TFAM: variants seen among roughly 807,000 people sequenced by gnomAD.
TFAM encodes the protein transcription factor A, mitochondrial.
Under a neutral mutation model 30.6 loss-of-function variants are expected in TFAM, and 13 were observed. The ratio of observed to expected loss-of-function variants is 0.42; its 90% CI spans 0.28 to 0.67. The LOEUF is 0.67. Ranked by LOEUF, TFAM falls within the 30% of genes least tolerant of loss-of-function variation. The pLI, the probability that TFAM is intolerant of heterozygous loss-of-function variation, is 0.21. For synonymous variants in TFAM, 106 were observed against 94.8 expected (o/e 1.12, Z -0.69); for missense variants, 231 against 293.7 (o/e 0.79, Z 1.56).
At chr10:58,387,539 T>C (rs756944950) in intron 2 of TFAM, among the ~76,000 whole-genome samples, 1 of 152,222 alleles carries the variant, frequency 6.6e-6, no homozygotes, top group Non-Finnish European at 1.5e-5. Flanking sequence ...TGTTAGCTTT[T>C]ATAAATTTAG....
intron 4 of TFAM, among the ~76,000 whole-genome samples, chr10:58,390,364 A>G (rs1054257071): frequency 6.6e-6 from 1 of 152,236 alleles, no homozygotes; most frequent in Non-Finnish European, 1.5e-5. Flanking sequence ...ATGAAAGATT[A>G]TTAAACAAAT....
chr10:58,387,510 G>A (rs10826178), intron 2 of TFAM, among the ~76,000 whole-genome samples: 80,054 of 152,086 alleles, frequency 0.53, 23,020 homozygotes, highest in African/African-American at 0.78. Context: ...GTGTTATATG[G>A]ATCGAGAATG....
intron 2 of TFAM, chr10:58,386,729 G>T: frequency 9.2e-7 from 1 of 1,086,076 alleles, no homozygotes; most frequent in Non-Finnish European, 1.1e-6. Flanking sequence ...AAGTTCTGTA[G>T]AACTGTAAAG....
intron 4 of TFAM, 31 bp from the exon 5 acceptor site, chr10:58,390,734 T>A: frequency 6.4e-7 from 1 of 1,552,800 alleles, no homozygotes; most frequent in Non-Finnish European, 8.9e-7. Context: ...AGGTTAACAC[T>A]ATTTTTGACC....
chr10:58,390,938 T>C lies in TFAM; in HGVS notation c.537+78T>C, dbSNP rs45459597. ...GTCTAGAGTGCCATGTGTCAGGTAGTGAAGAAAAGTAGTGAATATCCAGAC... is the reference window on the plus strand; with the variant it reads ...GTCTAGAGTGCCATGTGTCAGGTAGCGAAGAAAAGTAGTGAATATCCAGAC... On this transcript the variant is annotated intron_variant, in intron 5 of 6. Coordinates refer to ENST00000487519, the MANE Select transcript of TFAM (RefSeq NM_003201.3). 5.8e-4 allele frequency: 736 copies of C among 1,269,538 alleles called. 2 individuals are homozygous for C. The African/African-American group carries it at 9.7e-3, about 17-fold the overall frequency. The allele number at this position is 1,269,538 out of a possible 1,614,324, so 78.6% of individuals were successfully genotyped here.
At position 58,388,826 on chromosome 10, in the gene TFAM, A is replaced by G. The variant is rs1252913167; in HGVS notation, c.441+7A>G. ...AGCTATGACAAAAAAAAAAGTGAGT[A>G]TCATTGAAATACTTTTTTCTTATGG... On this transcript the variant is annotated splice_region_variant and intron_variant, in intron 4 of 6. Transcript: ENST00000487519. 2 of 1,596,766 alleles carry G rather than the reference A, an allele frequency of 1.3e-6. No homozygotes were observed. The highest frequency in any genetic ancestry group is 1.7e-6 in the Non-Finnish European group (2 of 1,168,280).
intron 4 of TFAM, 85 bp from the exon 5 acceptor site, chr10:58,390,680 G>A (rs562433495): frequency 3.4e-5 from 32 of 948,016 alleles, no homozygotes; most frequent in South Asian, 2.2e-4. Context: ...TCTGTAATGC[G>A]TAGTAGTGAA....
chr10:58,393,361 A>G (rs1042901180), intron 5 of TFAM, among the ~76,000 whole-genome samples: 17 of 152,162 alleles, frequency 1.1e-4, no homozygotes, highest in African/African-American at 3.6e-4. Flanking sequence ...GGTGCTGCCA[A>G]TTCCTGAGAT....
rs531401343 is a variant in TFAM at position 58,392,679 on chromosome 10, A to G, written c.538-1679A>G. ...CTAAAATTTGCCATGGTAGAAATTT[A>G]ACCTCTTTTTTTTTTTTGAGACAGG... On this transcript the variant is annotated intron_variant, in intron 5 of 6. Coordinates refer to ENST00000487519, the MANE Select transcript of TFAM (RefSeq NM_003201.3). Among the ~76,000 whole-genome samples the G allele has an allele frequency of 4.0e-5, 6 of 151,476 alleles. 1 individual carries two copies. In the East Asian group the frequency reaches 9.7e-4, roughly 24 times the overall value.
chr10:58,390,988 CTT>C, intron 5 of TFAM, 128 bp downstream of exon 5: 3 of 835,480 alleles, frequency 3.6e-6, no homozygotes, highest in Admixed American at 5.2e-5. Flanking sequence ...CTAAGGCCCT[CTT>C]TAAAGAAAAA....
At chr10:58,394,647 T>C (rs999786284) in intron 6 of TFAM, 14 of 666,434 alleles carry the variant, frequency 2.1e-5, no homozygotes, top group African/African-American at 1.3e-4. Flanking sequence ...TGTCCACTTA[T>C]TCAGTGGCAG....
intron 5 of TFAM, among the ~76,000 whole-genome samples, chr10:58,393,703 C>T (rs895820897): frequency 6.6e-6 from 1 of 151,904 alleles, no homozygotes; most frequent in East Asian, 1.9e-4. Flanking sequence ...CCCTGGGCAA[C>T]GTGGTAAGAC....
intron 2 of TFAM, chr10:58,386,625 T>C: frequency 1.7e-6 from 2 of 1,198,276 alleles, no homozygotes; most frequent in Non-Finnish European, 2.1e-6. Context: ...AGAGGACCAC[T>C]GATGAATTAT....
chr10:58,394,896 T>C (rs1057375861), intron 6 of TFAM, 32 bp from the exon 7 acceptor site: 6 of 1,590,474 alleles, frequency 3.8e-6, no homozygotes, highest in Non-Finnish European at 5.2e-6. Flanking sequence ...AAAAAATAAG[T>C]AAATCATTTT....
At chr10:58,394,595 A>T in intron 6 of TFAM, 181 bp downstream of exon 6, 2 of 744,834 alleles carry the variant, frequency 2.7e-6, no homozygotes, top group South Asian at 3.0e-5. Context: ...TTTGTCTGCA[A>T]ATAAAATTGG....
At chr10:58,390,929 G>A in intron 5 of TFAM, 69 bp downstream of exon 5, 2 of 1,356,578 alleles carry the variant, frequency 1.5e-6, no homozygotes, top group Admixed American at 1.9e-5. Flanking sequence ...AGTGCCATGT[G>A]TCAGGTAGTG....
In TFAM at chr10:58,395,261, A is replaced by C; in HGVS notation, c.*187A>C. On this transcript the variant is annotated 3_prime_UTR_variant, in exon 7 of 7. Transcript: ENST00000487519. Reference sequence around the variant, plus strand: ...CTTTGGAAAACCCAGATAAAGGTTCATGCAAACTTTATTTTGTGTTTAGGA... The same window carrying C: ...CTTTGGAAAACCCAGATAAAGGTTCCTGCAAACTTTATTTTGTGTTTAGGA... 1.6e-6 allele frequency: 1 copy of C among 615,398 alleles called. No individual in the cohort carries two copies. The highest frequency in any genetic ancestry group is 2.8e-6 in the Non-Finnish European group (1 of 354,814). 38.1% of individuals were successfully genotyped at this position (615,398 alleles called of 1,614,324 possible). A position where few individuals can be genotyped will look rare whatever the true frequency, so the allele number is the denominator to read the frequency against.
intron 1 of TFAM, 61 bp from the exon 2 acceptor site, chr10:58,386,159 A>G: frequency 9.5e-7 from 1 of 1,049,374 alleles, no homozygotes; most frequent in South Asian, 1.3e-5. Context: ...GTGTTCATAT[A>G]CATGTGAATA....
At position 58,395,195 on chromosome 10, in the gene TFAM, C is replaced by T. The variant is rs542425033; in HGVS notation, c.*121C>T. 3 of 1,038,036 alleles carry T rather than the reference C, an allele frequency of 2.9e-6. No individual in the cohort carries two copies. The African/African-American group carries it at 4.8e-5, about 17-fold the overall frequency. 64.3% of individuals were successfully genotyped at this position (1,038,036 alleles called of 1,614,324 possible). On this transcript the variant is annotated 3_prime_UTR_variant, in exon 7 of 7. Transcript: ENST00000487519. Reference sequence around the variant, plus strand: ...TTGGTAAACCTTTTATATTTAGTATCTTTTTATTCAGCTCATGGACTTCTG... The same window carrying T: ...TTGGTAAACCTTTTATATTTAGTATTTTTTTATTCAGCTCATGGACTTCTG...
Sources: gnomAD v4.1 joint callset for allele counts (sites outside exome capture counted in the v4.1 genomes callset) on GRCh38, gnomAD v4.1.1 for gene constraint, MANE v1.5 for transcripts, NCBI Gene and HGNC (gene_info 2026-07-23, HGNC 2026-07-21) for gene names.